The following PCYOX1L variants were observed in gnomAD, a reference collection of about 807,000 sequenced individuals.
PCYOX1L encodes prenylcysteine oxidase 1 like.
A neutral mutation model predicts 44.1 loss-of-function variants in PCYOX1L; 40 were observed. The ratio of observed to expected loss-of-function variants is 0.91; its 90% CI spans 0.70 to 1.18. The LOEUF is 1.18. Among genes scored for constraint, PCYOX1L ranks in the 50% most tolerant of loss-of-function variants. The probability of loss-of-function intolerance (pLI) is 0.00; values close to 1 mark genes in which losing one functional copy is unlikely to be tolerated. For synonymous variants in PCYOX1L, 266 were observed against 282.8 expected (o/e 0.94, Z 0.60); for missense variants, 605 against 653.3 (o/e 0.93, Z 0.81).
chr5:149,365,965 G>A lies in PCYOX1L; in HGVS notation c.494G>A (p.Gly165Asp). ...AGGATCTATAAGTACCAGGCCCACG[G>A]CTATGCCTTCTCGGGTGTGGAGGAG... The part of the protein sequence containing the change: ...FMRIYKYQAH[G>D]YAFSGVEELL... The change falls in exon 4 of 6, where the codon GGC becomes GAC. Residue 165 changes from glycine (G) to aspartate (D), a missense_variant. Physicochemically the swap from Gly to Asp is moderately conservative, Grantham distance 94. Transcript: ENST00000274569. 6.2e-7 allele frequency: 1 copy of A among 1,614,264 alleles called. No individual in the cohort carries two copies. The highest frequency in any genetic ancestry group is 8.5e-7 in the Non-Finnish European group (1 of 1,180,044).
intron 1 of PCYOX1L, chr5:149,362,138 C>T (rs973247360): frequency 6.0e-6 from 1 of 166,442 alleles, no homozygotes. Context: ...GAAAGAGCAT[C>T]ATGGCTGTGT....
rs1307384574 is a variant in PCYOX1L at position 149,369,293 on chromosome 5, A to T, written c.*639A>T. 2 of 152,218 alleles carry T rather than the reference A, an allele frequency of 1.3e-5. No homozygotes were observed. The highest frequency in any genetic ancestry group is 2.4e-5 in the African/African-American group (1 of 41,454). 9.4% of individuals were successfully genotyped at this position (152,218 alleles called of 1,614,324 possible). A position where few individuals can be genotyped will look rare whatever the true frequency, so the allele number is the denominator to read the frequency against. The stretch of plus-strand genomic sequence containing the variant: ...TGTGTGCCTGAATAGTCGTCACCAT[A>T]TCTCCAAGCTTCCTGGCAACCAGTG... On this transcript the variant is annotated 3_prime_UTR_variant, in exon 6 of 6. Transcript: ENST00000274569.
At chr5:149,365,369 G>A (rs555471952) in intron 3 of PCYOX1L, 1 of 153,146 alleles carries the variant, frequency 6.5e-6, no homozygotes, top group African/African-American at 2.4e-5. Context: ...CATTTCAAAG[G>A]CCAGCCAGTC....
At chr5:149,362,297 TAAGA>T (rs1377526817) in intron 1 of PCYOX1L, 2 of 312,830 alleles carry the variant, frequency 6.4e-6, no homozygotes, top group Non-Finnish European at 1.2e-5. Flanking sequence ...CATAGGGAAA[TAAGA>T]AAGTTAGAAG....
rs759646238 is a variant in PCYOX1L, at chr5:149,364,086, G to A, written c.346G>A (p.Glu116Lys). Residue 116 changes from glutamate to lysine, a missense_variant, in exon 3 of 6, where the codon GAG (glutamate) becomes AAG (lysine). Physicochemically the swap from Glu to Lys is moderately conservative, Grantham distance 56. Transcript: ENST00000274569. ...GGGCAGGAGCGCCATCTTCGGCGGG[G>A]AGCACTTCATGCTGGAGGAGACTGA... ...VVGRSAIFGG[E>K]HFMLEETDWY... 15 of 1,614,128 alleles carry A rather than the reference G, an allele frequency of 9.3e-6. No homozygotes were observed. The highest frequency in any genetic ancestry group is 1.3e-5 in the Non-Finnish European group (15 of 1,179,996).
chr5:149,358,197 C>T, intron 1 of PCYOX1L, 41 bp downstream of exon 1: 1 of 1,404,798 alleles, frequency 7.1e-7, no homozygotes, highest in Non-Finnish European at 9.3e-7. Flanking sequence ...TGGGGAGGGC[C>T]GGCGGGTAAA....
At chr5:149,358,191 G>T in intron 1 of PCYOX1L, 35 bp downstream of exon 1, 1 of 1,412,854 alleles carries the variant, frequency 7.1e-7, no homozygotes, top group Non-Finnish European at 9.2e-7. Flanking sequence ...CCCAGCTGGG[G>T]AGGGCCGGCG....
intron 3 of PCYOX1L, 146 bp from the exon 4 acceptor site, chr5:149,365,796 G>C (rs1758176594): frequency 2.9e-6 from 2 of 693,564 alleles, no homozygotes; most frequent in South Asian, 3.6e-5. Flanking sequence ...ACAGGTGCCA[G>C]GGAACATGAC....
At chr5:149,358,625 G>A (rs929370070) in intron 1 of PCYOX1L, among the ~76,000 whole-genome samples, 1 of 152,148 alleles carries the variant, frequency 6.6e-6, no homozygotes. Context: ...GAGGAGGGGC[G>A]CTTCACCCTG....
chr5:149,367,894 A>G, intron 5 of PCYOX1L, 99 bp from the exon 6 acceptor site: 1 of 1,281,208 alleles, frequency 7.8e-7, no homozygotes, highest in Non-Finnish European at 1.1e-6. Flanking sequence ...CTGCACCCTG[A>G]GCACCAGGGT....
intron 3 of PCYOX1L, 152 bp downstream of exon 3, chr5:149,364,362 A>T: frequency 1.1e-6 from 1 of 883,566 alleles, no homozygotes; most frequent in Non-Finnish European, 1.7e-6. Context: ...AGCCCCTGGC[A>T]TGAGGAATGG....
At chr5:149,362,523 A>T in intron 1 of PCYOX1L, 114 bp from the exon 2 acceptor site, 1 of 1,056,480 alleles carries the variant, frequency 9.5e-7, no homozygotes, top group Middle Eastern at 3.0e-4. Context: ...TTATAAGCCT[A>T]GGAAATTTAA....
At chr5:149,358,230 T>C in intron 1 of PCYOX1L, 74 bp downstream of exon 1, 1 of 1,328,648 alleles carries the variant, frequency 7.5e-7, no homozygotes, top group Non-Finnish European at 9.7e-7. Flanking sequence ...CTCAGCTAGG[T>C]GGGGTATAGG....
intron 1 of PCYOX1L, among the ~76,000 whole-genome samples, chr5:149,360,482 C>A (rs1442544282): frequency 1.3e-5 from 2 of 152,194 alleles, no homozygotes; most frequent in Non-Finnish European, 2.9e-5. Flanking sequence ...GTGGTTTATT[C>A]TTTCAACACA....
At chr5:149,360,706 G>A (rs1659105) in intron 1 of PCYOX1L, among the ~76,000 whole-genome samples, 2 of 152,160 alleles carry the variant, frequency 1.3e-5, no homozygotes, top group African/African-American at 4.8e-5. Context: ...GAGACACAGG[G>A]TGATGGCACT....
chr5:149,367,298 C>T (rs925295393), intron 4 of PCYOX1L, 62 bp from the exon 5 acceptor site: 4 of 1,559,924 alleles, frequency 2.6e-6, no homozygotes, highest in Non-Finnish European at 3.5e-6. Context: ...GTACTGGACT[C>T]CCCAGCCCTC....
At chr5:149,365,457 T>G in intron 3 of PCYOX1L, 1 of 175,086 alleles carries the variant, frequency 5.7e-6, no homozygotes, top group South Asian at 1.4e-4. Flanking sequence ...AGCCTGGGGG[T>G]GAGTGGGAGC....
chr5:149,363,879 CA>C, intron 2 of PCYOX1L, 156 bp from the exon 3 acceptor site: 1 of 730,494 alleles, frequency 1.4e-6, no homozygotes, highest in South Asian at 2.8e-5. Flanking sequence ...CTTGGTAGTC[CA>C]AACATTTTCC....
At chr5:149,358,259 A>G in intron 1 of PCYOX1L, 103 bp downstream of exon 1, 1 of 1,265,748 alleles carries the variant, frequency 7.9e-7, no homozygotes, top group East Asian at 3.3e-5. Context: ...TGGGTGAGGG[A>G]GGGGTCCTCG....
Sources: gnomAD v4.1 joint callset for allele counts (sites outside exome capture counted in the v4.1 genomes callset) on GRCh38, gnomAD v4.1.1 for gene constraint, MANE v1.5 for transcripts, NCBI Gene and HGNC (gene_info 2026-07-23, HGNC 2026-07-21) for gene names.